XPO1: variants seen among roughly 807,000 people sequenced by gnomAD.
XPO1 encodes the protein exportin-1.
In XPO1, 5 loss-of-function variants were observed where a neutral mutation model predicts 133.3. The observed-to-expected ratio is 0.04, with a 90% confidence interval of 0.02 to 0.08. The LOEUF (loss-of-function observed/expected upper bound fraction) is 0.08. Ranked by LOEUF, XPO1 falls within the 10% of genes least tolerant of loss-of-function variation. The probability of loss-of-function intolerance (pLI) is 1.00; values close to 1 mark genes in which losing one functional copy is unlikely to be tolerated. For missense variants in XPO1, 506 were observed against 1,267.5 expected, an observed-to-expected ratio of 0.40 and a Z score of 9.12; for synonymous variants, 419 against 408.2, an observed-to-expected ratio of 1.03 and a Z score of -0.32.
chr2:61,519,442 A>T (rs1698572348), intron 4 of XPO1, among the ~76,000 whole-genome samples: 1 of 151,954 alleles, frequency 6.6e-6, no homozygotes, highest in Non-Finnish European at 1.5e-5. Flanking sequence ...TCATGCCTGT[A>T]ATCTCAACAG....
chr2:61,490,109 TCA>T (rs1178708017), intron 17 of XPO1, among the ~76,000 whole-genome samples: 3 of 151,720 alleles, frequency 2.0e-5, no homozygotes, highest in African/African-American at 7.3e-5. Flanking sequence ...CAGGATGGTC[TCA>T]ATCTCCTGAC....
At chr2:61,528,796 A>G (rs888021660) in intron 2 of XPO1, among the ~76,000 whole-genome samples, 10 of 135,764 alleles carry the variant, frequency 7.4e-5, no homozygotes, top group South Asian at 2.3e-4. Context: ...TTTCATTTCA[A>G]TAAGTTTTTC....
chr2:61,487,376 T>A (rs547436871), intron 19 of XPO1, among the ~76,000 whole-genome samples: 1 of 152,230 alleles, frequency 6.6e-6, no homozygotes, highest in Non-Finnish European at 1.5e-5. Context: ...ACAGTTCTGT[T>A]CACATAATAC....
chr2:61,495,564 T>C lies in XPO1; in HGVS notation c.938A>G (p.Asp313Gly). 1.3e-6 allele frequency: 2 copies of C among 1,589,912 alleles called. No individual in the cohort carries two copies. Among genetic ancestry groups the C allele is most frequent in the Non-Finnish European group, 1.7e-6 (2 of 1,164,192 alleles). Reference protein sequence around the residue: ...NIRLAYSNGKDDEQNFIQNLS... With the variant: ...NIRLAYSNGKGDEQNFIQNLS... ...ATTTTGAATGAAGTTCTGTTCATCA[T>C]CTTTTCCATTTGAGTACGCAAGTCG... is the stretch of plus-strand genomic sequence containing the variant. The change falls in exon 11 of 25, where the codon GAT becomes GGT. Residue 313 changes from aspartate (D) to glycine (G), a missense_variant. This residue lies in a region of XPO1 where 134 missense variants were observed against 261.6 expected (regional missense o/e 0.51). Coordinates refer to ENST00000401558, the MANE Select transcript of XPO1 (RefSeq NM_003400.4).
At chr2:61,502,371 A>G in intron 4 of XPO1, 61 bp from the exon 5 acceptor site, 2 of 1,477,884 alleles carry the variant, frequency 1.4e-6, no homozygotes, top group Non-Finnish European at 1.9e-6. Context: ...ATGCAAATAA[A>G]TTTTGAGAAC....
intron 16 of XPO1, 77 bp from the exon 17 acceptor site, chr2:61,490,853 A>C: frequency 6.5e-7 from 1 of 1,540,326 alleles, no homozygotes; most frequent in African/African-American, 1.4e-5. Flanking sequence ...CAATTCACAA[A>C]CGTCTTGAAA....
At chr2:61,528,231 C>G (rs1698992520) in intron 2 of XPO1, among the ~76,000 whole-genome samples, 1 of 151,938 alleles carries the variant, frequency 6.6e-6, no homozygotes, top group Admixed American at 6.6e-5. Context: ...AAAGTAATGG[C>G]TTTCATCATG....
chr2:61,493,623 T>C (rs1220204299), intron 12 of XPO1: 1 of 350,846 alleles, frequency 2.9e-6, no homozygotes, highest in African/African-American at 2.1e-5. Context: ...CTGTGTCTCA[T>C]TCCTAGACTC....
At chr2:61,535,613 C>A (rs1252586396) in intron 1 of XPO1, among the ~76,000 whole-genome samples, 1 of 152,090 alleles carries the variant, frequency 6.6e-6, no homozygotes, top group African/African-American at 2.4e-5. Flanking sequence ...ACGTCTGTTA[C>A]AACAGATTAG....
rs1314305335 is a variant in XPO1, at chr2:61,478,935, A to C, written c.3101T>G (p.Phe1034Cys). ...EFAGEDTSDLFLEEREIALRQ... is the reference protein window; with the variant it reads ...EFAGEDTSDLCLEEREIALRQ... ...TAGGGCTATTTCTCTCTCTTCCAAA[A>C]ACAAATCAGAAGTGTCTTCACCTGC... The change falls in exon 25 of 25, where the codon TTT (phenylalanine) becomes TGT (cysteine). Residue 1034 changes from phenylalanine (F) to cysteine (C), a missense_variant. Coordinates refer to ENST00000401558, the MANE Select transcript of XPO1 (RefSeq NM_003400.4). 6.2e-7 allele frequency: 1 copy of C among 1,614,066 alleles called. No homozygotes were observed. Among genetic ancestry groups the C allele is most frequent in the East Asian group, 2.2e-5 (1 of 44,868 alleles).
At chr2:61,489,915 A>G (rs2104402413) in intron 17 of XPO1, among the ~76,000 whole-genome samples, 1 of 145,976 alleles carries the variant, frequency 6.9e-6, no homozygotes, top group African/African-American at 2.5e-5. Flanking sequence ...TTTTTGAGAC[A>G]GAGTCTTCCT....
intron 4 of XPO1, among the ~76,000 whole-genome samples, chr2:61,515,937 CCACACACA>C (rs35237510): frequency 6.8e-4 from 75 of 110,776 alleles, no homozygotes; most frequent in African/African-American, 8.2e-4. Context: ...AAAAAAAAAA[CCACACACA>C]CACACACACA....
intron 4 of XPO1, among the ~76,000 whole-genome samples, chr2:61,511,929 G>A (rs1573181484): frequency 6.6e-6 from 1 of 151,958 alleles, no homozygotes; most frequent in East Asian, 1.9e-4. Flanking sequence ...ACCATGCCCG[G>A]CTAATTTTTT....
intron 17 of XPO1, 116 bp downstream of exon 17, chr2:61,490,526 A>C (rs1032965286): frequency 7.0e-7 from 1 of 1,418,516 alleles, no homozygotes; most frequent in Non-Finnish European, 9.7e-7. Context: ...AAAGACACAC[A>C]TAAAAGCACT....
intron 2 of XPO1, 151 bp downstream of exon 2, chr2:61,533,621 A>C (rs13390751): frequency 0.16 from 160,715 of 1,008,080 alleles, 14,136 homozygotes; most frequent in African/African-American, 0.3. Context: ...TTCTTTCTCC[A>C]AACCAATTTT....
At chr2:61,490,487 C>T (rs1014424113) in intron 17 of XPO1, among the ~76,000 whole-genome samples, 155 bp downstream of exon 17, 1 of 152,174 alleles carries the variant, frequency 6.6e-6, no homozygotes, top group African/African-American at 2.4e-5. Flanking sequence ...GCGTGAGCCA[C>T]CACACCTCGC....
At chr2:61,480,517 G>A (rs1436701611) in intron 24 of XPO1, 1 of 149,968 alleles carries the variant, frequency 6.7e-6, no homozygotes, top group Non-Finnish European at 1.5e-5. Flanking sequence ...CCGACATCAG[G>A]TGACCCACCC....
At chr2:61,503,569 C>T (rs1697649520) in intron 4 of XPO1, among the ~76,000 whole-genome samples, 2 of 152,112 alleles carry the variant, frequency 1.3e-5, no homozygotes, top group Non-Finnish European at 2.9e-5. Context: ...GGACTACAGG[C>T]GCCCGCCACC....
chr2:61,505,731 G>A (rs2104565428), intron 4 of XPO1, among the ~76,000 whole-genome samples: 1 of 151,814 alleles, frequency 6.6e-6, no homozygotes, highest in African/African-American at 2.4e-5. Context: ...GCTTTTTTTT[G>A]TATTTTCACT....
Sources: gnomAD v4.1 joint callset for allele counts (sites outside exome capture counted in the v4.1 genomes callset) on GRCh38, gnomAD v4.1.1 for gene constraint, gnomAD v4.1.1 regional missense constraint, MANE v1.5 for transcripts, NCBI Gene and HGNC (gene_info 2026-07-23, HGNC 2026-07-21) for gene names.